Variants in ST3GAL3 observed in about 807,000 individuals in gnomAD.
ST3GAL3 encodes the protein ST3 beta-galactoside alpha-2,3-sialyltransferase 3, also known as CMP-N-acetylneuraminate-beta-1,4-galactoside alpha-2,3-sialyltransferase.
Under a neutral mutation model 50.1 loss-of-function variants are expected in ST3GAL3, and 21 were observed. The ratio of observed to expected loss-of-function variants is 0.42; its 90% CI spans 0.30 to 0.60. ST3GAL3 has a LOEUF of 0.60. Among genes scored for constraint, ST3GAL3 ranks in the 20% least tolerant of loss-of-function variants. ST3GAL3 has a pLI of 0.19. For missense variants in ST3GAL3, 353 were observed against 489.4 expected, an observed-to-expected ratio of 0.72 and a Z score of 2.63; for synonymous variants, 183 against 190.0, an observed-to-expected ratio of 0.96 and a Z score of 0.30.
intron 11 of ST3GAL3, among the ~76,000 whole-genome samples, chr1:43,927,403 A>G (rs1363380830): frequency 4.6e-5 from 7 of 152,130 alleles, no homozygotes; most frequent in Non-Finnish European, 8.8e-5. Context: ...AAATTATTAC[A>G]CCTAAAAACA....
At chr1:43,920,652 CT>C in intron 10 of ST3GAL3, 102 bp downstream of exon 10, 1 of 1,603,932 alleles carries the variant, frequency 6.2e-7, no homozygotes, top group Non-Finnish European at 8.5e-7. Flanking sequence ...TGCAAAATAG[CT>C]TTCTGGGGAA....
intron 2 of ST3GAL3, among the ~76,000 whole-genome samples, chr1:43,786,735 C>T (rs974721074): frequency 2.2e-4 from 34 of 152,188 alleles, no homozygotes; most frequent in Admixed American, 1.9e-3. Flanking sequence ...ACTGTATTTT[C>T]AAGCCTAGTG....
intron 3 of ST3GAL3, among the ~76,000 whole-genome samples, chr1:43,794,254 T>C (rs980740859): frequency 6.6e-6 from 1 of 152,140 alleles, no homozygotes; most frequent in African/African-American, 2.4e-5. Flanking sequence ...TGAGCAAGAC[T>C]TGAACAGGCA....
chr1:43,712,082 A>T (rs1438871298), intron 1 of ST3GAL3, among the ~76,000 whole-genome samples: 2 of 152,174 alleles, frequency 1.3e-5, no homozygotes, highest in African/African-American at 2.4e-5. Context: ...TAGTTGTCTG[A>T]CATTAAGCAG....
chr1:43,866,742 C>G (rs188374061), intron 5 of ST3GAL3, among the ~76,000 whole-genome samples: 44 of 152,226 alleles, frequency 2.9e-4, no homozygotes, highest in Admixed American at 5.2e-4. Flanking sequence ...GTGTTACATC[C>G]TAGATGCTGG....
chr1:43,716,966 A>G lies in ST3GAL3; in HGVS notation c.-31+9273A>G, dbSNP rs567839326. The stretch of plus-strand genomic sequence containing the variant: ...AGTTCTCCATATTGCTACACGAGCA[A>G]CCTTTCTAAAACATAGATTTACGTC... On this transcript the variant is annotated intron_variant, in intron 1 of 11. Coordinates refer to ENST00000347631, the MANE Select transcript of ST3GAL3 (RefSeq NM_006279.5). Among the ~76,000 whole-genome samples, 8 of 152,144 alleles carry G rather than the reference A, an allele frequency of 5.3e-5. No homozygotes were observed. The East Asian group carries it at 1.5e-3, about 29-fold the overall frequency.
chr1:43,815,815 G>A (rs1210900652), intron 4 of ST3GAL3, among the ~76,000 whole-genome samples: 2 of 152,086 alleles, frequency 1.3e-5, no homozygotes, highest in Admixed American at 1.3e-4. Flanking sequence ...TAGGCTTCTT[G>A]GTCTCTCTAG....
intron 5 of ST3GAL3, among the ~76,000 whole-genome samples, chr1:43,873,707 C>G (rs982970130): frequency 4.6e-5 from 7 of 152,076 alleles, no homozygotes; most frequent in Admixed American, 4.6e-4. Flanking sequence ...ATCTCTTGAA[C>G]CCGGGAGGCA....
intron 11 of ST3GAL3, 132 bp from the exon 12 acceptor site, chr1:43,930,000 T>A: frequency 1.3e-6 from 1 of 793,262 alleles, no homozygotes; most frequent in Non-Finnish European, 2.3e-6. Context: ...CACAACTGAT[T>A]ACCAGTATCT....
At chr1:43,877,295 G>T (rs1189425386) in intron 5 of ST3GAL3, among the ~76,000 whole-genome samples, 1 of 152,200 alleles carries the variant, frequency 6.6e-6, no homozygotes, top group African/African-American at 2.4e-5. Flanking sequence ...GCATTGCCCA[G>T]TCTGGGGCGA....
chr1:43,715,838 C>T lies in ST3GAL3; in HGVS notation c.-31+8145C>T, dbSNP rs12239224. On this transcript the variant is annotated intron_variant, in intron 1 of 11. Transcript: ENST00000347631. ...GCATACTGTTAACTGTGAGAAGAAT[C>T]GTGGTCACCTCATCATGTTATATAA... Among the ~76,000 whole-genome samples, 628 of 152,254 alleles carry T rather than the reference C, an allele frequency of 4.1e-3. 3 individuals carry two copies. The highest frequency in any genetic ancestry group is 0.014 in the African/African-American group (593 of 41,544).
chr1:43,813,342 A>G (rs577279478), intron 3 of ST3GAL3, among the ~76,000 whole-genome samples: 1 of 152,338 alleles, frequency 6.6e-6, no homozygotes, highest in East Asian at 1.9e-4. Context: ...GAGGGCACTT[A>G]ACTTTGACAC....
At chr1:43,739,575 T>C (rs889630299) in intron 2 of ST3GAL3, among the ~76,000 whole-genome samples, 11 of 152,176 alleles carry the variant, frequency 7.2e-5, no homozygotes. Context: ...CTTATTATGG[T>C]CCATGTACTG....
At chr1:43,711,212 G>C (rs1186426815) in intron 1 of ST3GAL3, among the ~76,000 whole-genome samples, 1 of 152,210 alleles carries the variant, frequency 6.6e-6, no homozygotes, top group Non-Finnish European at 1.5e-5. Flanking sequence ...CATGTGACGT[G>C]TCCAGCATGA....
intron 1 of ST3GAL3, among the ~76,000 whole-genome samples, chr1:43,733,902 T>G (rs1677030985): frequency 6.6e-6 from 1 of 152,140 alleles, no homozygotes; most frequent in Non-Finnish European, 1.5e-5. Flanking sequence ...GATCACGAGG[T>G]CAGGAGGCCA....
chr1:43,813,905 A>ACACACG (rs2060914532), intron 3 of ST3GAL3, among the ~76,000 whole-genome samples: 8 of 79,232 alleles, frequency 1.0e-4, no homozygotes, highest in South Asian at 3.6e-4. Context: ...GCACACACGC[A>ACACACG]CACACACACA....
intron 2 of ST3GAL3, among the ~76,000 whole-genome samples, chr1:43,789,550 G>A (rs2057781132): frequency 6.6e-6 from 1 of 152,124 alleles, no homozygotes; most frequent in South Asian, 2.1e-4. Flanking sequence ...CTCAATGAGA[G>A]GAGATAAATG....
intron 1 of ST3GAL3, among the ~76,000 whole-genome samples, chr1:43,729,264 AT>A (rs1405904239): frequency 2.6e-5 from 4 of 151,490 alleles, no homozygotes; most frequent in Non-Finnish European, 5.9e-5. Context: ...TATCGAGACA[AT>A]TTTTTGTAAA....
intron 5 of ST3GAL3, among the ~76,000 whole-genome samples, chr1:43,862,959 T>G (rs2070378855): frequency 6.6e-6 from 1 of 152,110 alleles, no homozygotes; most frequent in Non-Finnish European, 1.5e-5. Flanking sequence ...AAGGACATAT[T>G]AAATTCTGGA....
Sources: allele counts gnomAD v4.1 joint callset (sites outside exome capture counted in the v4.1 genomes callset), GRCh38; gene constraint gnomAD v4.1.1; transcripts MANE v1.5; gene names NCBI Gene and HGNC (gene_info 2026-07-23, HGNC 2026-07-21).